The following GSTA1 variants were observed in gnomAD, a reference collection of about 807,000 sequenced individuals.
GSTA1 encodes glutathione S-transferase alpha 1.
GSTA1 carries 23 observed loss-of-function variants against 21.5 expected under a neutral mutation model. That is an observed-to-expected ratio of 1.07 (90% CI 0.77 to 1.52). GSTA1 has a LOEUF of 1.52. GSTA1 is among the 40% of genes most tolerant of loss of function. GSTA1 has a pLI of 0.00. For synonymous variants in GSTA1, 125 were observed against 90.0 expected (o/e 1.39, Z -2.20); for missense variants, 301 against 264.2 (o/e 1.14, Z -0.96).
At chr6:52,798,938 T>A (rs1763648101) in intron 2 of GSTA1, among the ~76,000 whole-genome samples, 1 of 152,244 alleles carries the variant, frequency 6.6e-6, no homozygotes, top group African/African-American at 2.4e-5. Flanking sequence ...TTGTTTAAAT[T>A]CTAATCCACT....
chr6:52,792,472 C>T (rs1333017415), intron 6 of GSTA1, among the ~76,000 whole-genome samples: 10 of 152,062 alleles, frequency 6.6e-5, no homozygotes, highest in South Asian at 4.1e-4. Flanking sequence ...CAGCAGGAGC[C>T]GGAGCCCAGG....
intron 2 of GSTA1, among the ~76,000 whole-genome samples, chr6:52,798,182 C>T (rs1581796973): frequency 6.6e-6 from 1 of 152,116 alleles, no homozygotes; most frequent in African/African-American, 2.4e-5. Flanking sequence ...TTCTGAAGTA[C>T]GAGGCACAAT....
At chr6:52,793,033 C>T in intron 5 of GSTA1, 46 bp from the exon 6 acceptor site, 1 of 1,613,058 alleles carries the variant, frequency 6.2e-7, no homozygotes, top group Non-Finnish European at 8.5e-7. Context: ...CACACCCAGG[C>T]TAGGACCCCT....
intron 1 of GSTA1, among the ~76,000 whole-genome samples, chr6:52,802,732 A>G (rs1171461647): frequency 6.6e-6 from 1 of 152,004 alleles, no homozygotes; most frequent in Non-Finnish European, 1.5e-5. Context: ...TTCATCATCT[A>G]TTATCTGTCT....
chr6:52,791,740 A>C lies in GSTA1; in HGVS notation c.*118T>G. ...AGTTGTATTATTTAATTAGCATATA[A>C]TTTGAAAGAGTTCATTAGCTTCACA... On this transcript the variant is annotated 3_prime_UTR_variant, in exon 7 of 7. Coordinates refer to ENST00000334575, the MANE Select transcript of GSTA1 (RefSeq NM_145740.5). The C allele has an allele frequency of 8.3e-7, 1 of 1,198,230 alleles. No individual in the cohort carries two copies. The highest frequency in any genetic ancestry group is 1.5e-5 in the African/African-American group (1 of 65,396). 74.2% of individuals were successfully genotyped at this position (1,198,230 alleles called of 1,614,324 possible).
intron 5 of GSTA1, 76 bp downstream of exon 5, chr6:52,794,049 C>A: frequency 6.3e-7 from 1 of 1,579,502 alleles, no homozygotes; most frequent in Non-Finnish European, 8.7e-7. Context: ...AGATCAGTGA[C>A]CCAGGAATGC....
chr6:52,798,985 T>C (rs1473677219), intron 2 of GSTA1, among the ~76,000 whole-genome samples, 196 bp downstream of exon 2: 7 of 152,236 alleles, frequency 4.6e-5, no homozygotes. Flanking sequence ...CTTAATTGTA[T>C]TTTAATATGT....
At chr6:52,800,916 T>C (rs1361173079) in intron 1 of GSTA1, among the ~76,000 whole-genome samples, 2 of 152,188 alleles carry the variant, frequency 1.3e-5, no homozygotes, top group Non-Finnish European at 2.9e-5. Context: ...AGTTTCACTG[T>C]TTTTGCCCAG....
chr6:52,792,706 A>G (rs759232481), intron 6 of GSTA1, 150 bp downstream of exon 6: 2 of 1,586,146 alleles, frequency 1.3e-6, no homozygotes, highest in Non-Finnish European at 1.7e-6. Context: ...TCATTCCTCA[A>G]AATTGGAGCC....
rs975190033 is a variant in GSTA1, at chr6:52,802,438, T to C, written c.-31+1347A>G. Among the ~76,000 whole-genome samples, 5 of 152,196 alleles carry C rather than the reference T, an allele frequency of 3.3e-5. No individual in the cohort carries two copies. The East Asian group carries it at 7.7e-4, about 23-fold the overall frequency. ...AGAATAGAGATAGTTATTTCTACTTTTGAGGGTTGTTGAGAAAGTTAAATG... is the reference window on the plus strand; with the variant it reads ...AGAATAGAGATAGTTATTTCTACTTCTGAGGGTTGTTGAGAAAGTTAAATG... On this transcript the variant is annotated intron_variant, in intron 1 of 6. Transcript: ENST00000334575.
chr6:52,799,651 T>G (rs771733404), intron 1 of GSTA1, among the ~76,000 whole-genome samples: 1 of 152,248 alleles, frequency 6.6e-6, no homozygotes, highest in Non-Finnish European at 1.5e-5. Flanking sequence ...TGCTAGTCCC[T>G]TTCAATATTT....
At position 52,799,052 on chromosome 6, in the gene GSTA1, T is replaced by G. The variant is rs1763650096; in HGVS notation, c.87+129A>C. Reference sequence around the variant, plus strand: ...TAATAGGTCAAATCTGTTCATCTTTTTCTTAATTACAGTCCATTTTTATTT... The same window carrying G: ...TAATAGGTCAAATCTGTTCATCTTTGTCTTAATTACAGTCCATTTTTATTT... On this transcript the variant is annotated intron_variant, in intron 2 of 6. Transcript: ENST00000334575. 17 of 844,936 alleles carry G rather than the reference T, an allele frequency of 2.0e-5. No individual in the cohort carries two copies. In the South Asian group the frequency reaches 2.6e-4, roughly 13 times the overall value. 52.3% of individuals were successfully genotyped at this position (844,936 alleles called of 1,614,324 possible).
chr6:52,792,727 T>A (rs375214906), intron 6 of GSTA1, 129 bp downstream of exon 6: 2 of 1,600,150 alleles, frequency 1.2e-6, no homozygotes, highest in East Asian at 2.3e-5. Context: ...TGGAAGCTCA[T>A]TTTGGAGACC....
intron 3 of GSTA1, among the ~76,000 whole-genome samples, chr6:52,796,543 A>ATATATATTTTTTTTTTTTT (rs1300549721): frequency 2.9e-4 from 7 of 23,758 alleles, no homozygotes; most frequent in Non-Finnish European, 7.5e-4. Flanking sequence ...ATATATATAT[A>ATATATATTTTTTTTTTTTT]TTTTTTTTTT....
At chr6:52,796,081 T>C (rs1375531848) in intron 4 of GSTA1, 101 bp downstream of exon 4, 3 of 1,562,488 alleles carry the variant, frequency 1.9e-6, no homozygotes, top group Non-Finnish European at 2.6e-6. Flanking sequence ...AGGCCCAGCC[T>C]GCTGCTGGTC....
intron 2 of GSTA1, 58 bp downstream of exon 2, chr6:52,799,123 A>C: frequency 6.7e-7 from 1 of 1,503,038 alleles, no homozygotes; most frequent in Non-Finnish European, 9.2e-7. Flanking sequence ...TTCTGTGGGA[A>C]AAGTATGTGA....
chr6:52,802,536 G>A (rs896407953), intron 1 of GSTA1, among the ~76,000 whole-genome samples: 1 of 152,160 alleles, frequency 6.6e-6, no homozygotes, highest in African/African-American at 2.4e-5. Context: ...CTTGGAAGAT[G>A]GGTGAGTCTC....
intron 3 of GSTA1, among the ~76,000 whole-genome samples, 179 bp downstream of exon 3, chr6:52,797,407 C>T (rs1387741757): frequency 6.6e-6 from 1 of 152,074 alleles, no homozygotes; most frequent in East Asian, 1.9e-4. Context: ...TCCTTTTAAC[C>T]TGGAGAGAGT....
Position 52,796,192 on chromosome 6 carries a change from C to T in GSTA1, c.262G>A (p.Glu88Lys). ...KYNLYGKDIKERALIDMYIEG... is the reference protein window; with the variant it reads ...KYNLYGKDIKKRALIDMYIEG... The stretch of plus-strand genomic sequence containing the variant: ...GAAAATATACCGTACAGGGCTCTCT[C>T]CTTTATGTCTTTCCCATAGAGGTTG... Residue 88 changes from glutamate (E) to lysine (K), a missense_variant, in exon 4 of 7, where the codon GAG (glutamate) becomes AAG (lysine). Coordinates refer to ENST00000334575, the MANE Select transcript of GSTA1 (RefSeq NM_145740.5). 1.2e-6 allele frequency: 2 copies of T among 1,613,674 alleles called. No individual in the cohort carries two copies. Among genetic ancestry groups the T allele is most frequent in the Non-Finnish European group, 1.7e-6 (2 of 1,179,880 alleles).
Sources: gnomAD v4.1 joint callset for allele counts (sites outside exome capture counted in the v4.1 genomes callset) on GRCh38, gnomAD v4.1.1 for gene constraint, MANE v1.5 for transcripts, NCBI Gene and HGNC (gene_info 2026-07-23, HGNC 2026-07-21) for gene names.